NCOR2: variants seen among roughly 807,000 people sequenced by gnomAD.
The protein encoded by NCOR2 is nuclear receptor corepressor 2, also known as CTG repeat protein 26.
In NCOR2, 81 loss-of-function variants were observed where a neutral mutation model predicts 262.9. That is an observed-to-expected ratio of 0.31 (90% CI 0.26 to 0.37). The LOEUF (loss-of-function observed/expected upper bound fraction) is 0.37. Ranked by LOEUF, NCOR2 falls within the 10% of genes least tolerant of loss-of-function variation. The pLI is 1.00. For synonymous variants in NCOR2, 1,659 were observed against 1,559.3 expected (o/e 1.06, Z -1.51); for missense variants, 3,385 against 3,621.4 (o/e 0.93, Z 1.68).
rs1381929656 is a variant in NCOR2 at position 124,401,782 on chromosome 12, C to T, written c.1640+622G>A. Among the ~76,000 whole-genome samples, 4 of 152,202 alleles carry T rather than the reference C, an allele frequency of 2.6e-5. No individual in the cohort carries two copies. In the East Asian group the frequency reaches 7.7e-4, roughly 29 times the overall value. ...GCCCTTGCTGGAAGCGTCTGGGAGACGGGGTGAGGAAGCCAGATGTTCTCT... is the reference window on the plus strand; with the variant it reads ...GCCCTTGCTGGAAGCGTCTGGGAGATGGGGTGAGGAAGCCAGATGTTCTCT... On this transcript the variant is annotated intron_variant, in intron 14 of 46. Coordinates refer to ENST00000405201, the Ensembl canonical transcript of NCOR2.
At chr12:124,445,028 G>A (rs997328594) in intron 7 of NCOR2, among the ~76,000 whole-genome samples, 8 of 152,268 alleles carry the variant, frequency 5.3e-5, no homozygotes, top group Admixed American at 4.6e-4. Flanking sequence ...CCCCGGGTCT[G>A]ACAGTTCCCA....
chr12:124,411,999 G>A (rs2136246044), intron 13 of NCOR2, among the ~76,000 whole-genome samples: 1 of 152,324 alleles, frequency 6.6e-6, no homozygotes, highest in African/African-American at 2.4e-5. Context: ...GAAGCTTCCA[G>A]AAAGAGGATG....
rs747630707 is a variant in NCOR2 at position 124,343,080 on chromosome 12, C to T, written c.4861G>A (p.Val1621Met). The stretch of plus-strand genomic sequence containing the variant: ...GGGATGTGGCTGCGATACAGGTCCA[C>T]GCCACTCACGCCCCGAAGCAGGTGC... The change falls in exon 33 of 47, where the codon GTG becomes ATG. Residue 1621 changes from valine (V) to methionine (M), a missense_variant. By Grantham distance (21) the Val-to-Met change is conservative. Transcript: ENST00000405201. 1.9e-5 allele frequency: 30 copies of T among 1,612,308 alleles called. No homozygotes were observed. Among genetic ancestry groups the T allele is most frequent in the African/African-American group, 8.0e-5 (6 of 74,908 alleles).
At chr12:124,371,154 C>G (rs2039474207) in intron 20 of NCOR2, among the ~76,000 whole-genome samples, 1 of 152,104 alleles carries the variant, frequency 6.6e-6, no homozygotes, top group Non-Finnish European at 1.5e-5. Context: ...GCCCTGAGAA[C>G]AAAATGCAGC....
chr12:124,335,360 G>T, intron 39 of NCOR2, 80 bp from the exon 42 acceptor site: 1 of 1,501,232 alleles, frequency 6.7e-7, no homozygotes, highest in Non-Finnish European at 8.9e-7. Context: ...CCATGCCTTT[G>T]AGCCTCATGA....
chr12:124,449,984 G>C, intron 6 of NCOR2, 117 bp from the exon 9 acceptor site: 4 of 1,010,802 alleles, frequency 4.0e-6, no homozygotes, highest in Non-Finnish European at 5.8e-6. Context: ...TGAGGGCTCA[G>C]CCGCAGGCAG....
intron 3 of NCOR2, among the ~76,000 whole-genome samples, chr12:124,475,444 TGG>T (rs1452825423): frequency 6.6e-6 from 1 of 152,190 alleles, no homozygotes; most frequent in Non-Finnish European, 1.5e-5. Flanking sequence ...TGGAGGCCAC[TGG>T]GGCTGGATGC....
At chr12:124,535,756 C>T (rs1014833742), upstream of NCOR2, 1 of 152,232 alleles carries the variant, frequency 6.6e-6, no homozygotes, top group African/African-American at 2.4e-5. Context: ...CCATGAGAAC[C>T]CTGTGAGGCA....
chr12:124,461,936 A>C (rs1172519334), intron 5 of NCOR2, among the ~76,000 whole-genome samples: 1 of 152,098 alleles, frequency 6.6e-6, no homozygotes, highest in African/African-American at 2.4e-5. Flanking sequence ...CCACATGCTG[A>C]CTCATATACG....
intron 1 of NCOR2, among the ~76,000 whole-genome samples, chr12:124,493,434 G>A (rs2342925): frequency 1 from 151,740 of 152,332 alleles, 75,575 homozygotes; most frequent in Middle Eastern, 1. Flanking sequence ...AAGAACATTC[G>A]GCATATCCCC....
chr12:124,490,213 G>A (rs1392009014), intron 1 of NCOR2, among the ~76,000 whole-genome samples: 1 of 152,088 alleles, frequency 6.6e-6, no homozygotes, highest in African/African-American at 2.4e-5. Context: ...CAGCTTCTCA[G>A]TGAGGCTCCT....
intron 13 of NCOR2, among the ~76,000 whole-genome samples, chr12:124,408,117 G>A (rs1035444364): frequency 2.6e-5 from 4 of 152,146 alleles, no homozygotes; most frequent in Non-Finnish European, 5.9e-5. Flanking sequence ...CACTTTGGGA[G>A]GCCGAGGCCG....
At chr12:124,335,526 G>C in exon 39 of NCOR2, 1 of 1,608,894 alleles carries the variant, frequency 6.2e-7, no homozygotes, top group Non-Finnish European at 8.5e-7. Context: ...GGCTCTTGTC[G>C]AGCTCTTCCA....
chr12:124,385,654 T>TGCCTCCTGGGGTGCAGAGAC (rs1240009466), intron 17 of NCOR2, 91 bp downstream of exon 19: 9 of 1,531,614 alleles, frequency 5.9e-6, no homozygotes, highest in Non-Finnish European at 7.9e-6. Context: ...CCCTGGCCCA[T>TGCCTCCTGGGGTGCAGAGAC]GCCTCCTGGG....
chr12:124,443,441 C>T lies in NCOR2; in HGVS notation c.816-5445G>A, dbSNP rs922123613. The stretch of plus-strand genomic sequence containing the variant: ...CGCAGGGTGCAAACTGCACAGTGCA[C>T]AGGCCAGAGACAGCCTCTGAGGGTG... On this transcript the variant is annotated intron_variant, in intron 7 of 46. Transcript: ENST00000405201. This position sits in a 1 kb window ranked among gnomAD's most constrained non-coding sequence, Gnocchi z 4.4. Among the ~76,000 whole-genome samples, 2 of 152,222 alleles carry T rather than the reference C, an allele frequency of 1.3e-5. No homozygotes were observed. The highest frequency in any genetic ancestry group is 2.9e-5 in the Non-Finnish European group (2 of 68,040).
Position 124,482,807 on chromosome 12 carries a change from A to G in NCOR2, c.411+789T>C, listed in dbSNP as rs2047566611. 6.6e-6 allele frequency among the ~76,000 whole-genome samples: 1 copy of G among 152,128 alleles called. No homozygotes were observed. On this transcript the variant is annotated intron_variant, in intron 3 of 46. Coordinates refer to ENST00000405201, the Ensembl canonical transcript of NCOR2. This position sits in a 1 kb window ranked among gnomAD's most constrained non-coding sequence, Gnocchi z 6.3. ...TGTCTGGCTCCCCTGCCCAAAGTGC[A>G]TCCGTGGTCCCTCAGGCCTGGGTGG...
chr12:124,387,672 C>T (rs531408127), intron 16 of NCOR2, among the ~76,000 whole-genome samples: 14 of 152,298 alleles, frequency 9.2e-5, no homozygotes, highest in South Asian at 8.3e-4. Flanking sequence ...AGGGGAGGGC[C>T]GGGGCGTGGG....
At chr12:124,557,803 G>A (rs1272952598) in intron 1 of NCOR2, among the ~76,000 whole-genome samples, 1 of 152,094 alleles carries the variant, frequency 6.6e-6, no homozygotes, top group Non-Finnish European at 1.5e-5. Flanking sequence ...ACCCAGCAGT[G>A]GGCATCACCC....
Position 124,483,567 on chromosome 12 carries a change from G to C in NCOR2, c.411+29C>G. On this transcript the variant is annotated intron_variant, in intron 3 of 46. Coordinates refer to ENST00000405201, the Ensembl canonical transcript of NCOR2. This position sits in a 1 kb window ranked among gnomAD's most constrained non-coding sequence, Gnocchi z 6.3. ...CAGCAGCAGAACCTCAAGCGGGAGA[G>C]GAGCTCCCAGCTGGGGGCCCAGGCT... 6.5e-7 allele frequency: 1 copy of C among 1,534,658 alleles called. No homozygotes were observed. Among genetic ancestry groups the C allele is most frequent in the East Asian group, 2.4e-5 (1 of 42,342 alleles).
Sources: allele counts gnomAD v4.1 joint callset (sites outside exome capture counted in the v4.1 genomes callset), GRCh38; gene constraint gnomAD v4.1.1; non-coding constraint Gnocchi (gnomAD v3.1); transcripts MANE v1.5; gene names NCBI Gene and HGNC (gene_info 2026-07-23, HGNC 2026-07-21).